Variants in ARID1B observed in about 807,000 individuals in gnomAD.
ARID1B encodes the protein AT-rich interaction domain 1B, also known as AT-rich interactive domain-containing protein 1B.
ARID1B carries 30 observed loss-of-function variants against 212.3 expected under a neutral mutation model. That is an observed-to-expected ratio of 0.14 (90% CI 0.11 to 0.19). The LOEUF is 0.19. ARID1B is among the 10% of genes least tolerant of loss of function. ARID1B has a pLI of 1.00. For synonymous variants in ARID1B, 1,402 were observed against 1,301.7 expected, an observed-to-expected ratio of 1.08 and a Z score of -1.66; for missense variants, 2,891 against 3,204.0, an observed-to-expected ratio of 0.90 and a Z score of 2.36.
intron 4 of ARID1B, among the ~76,000 whole-genome samples, chr6:157,030,571 A>G (rs1209917055): frequency 6.6e-6 from 1 of 152,200 alleles, no homozygotes; most frequent in Non-Finnish European, 1.5e-5. Flanking sequence ...CTGTGGAGGT[A>G]TCCTCACTGA....
At chr6:157,191,650 G>A (rs1793382743) in intron 15 of ARID1B, among the ~76,000 whole-genome samples, 1 of 152,280 alleles carries the variant, frequency 6.6e-6, no homozygotes, top group East Asian at 1.9e-4. Flanking sequence ...CTGTCCTTCA[G>A]TTCTGCCCGT....
intron 4 of ARID1B, among the ~76,000 whole-genome samples, chr6:156,958,245 C>A (rs1204697445): frequency 6.6e-6 from 1 of 152,150 alleles, no homozygotes; most frequent in Non-Finnish European, 1.5e-5. Flanking sequence ...CTAGGAACAG[C>A]TTTTTCACTT....
At chr6:157,090,381 C>T (rs563708163) in intron 5 of ARID1B, among the ~76,000 whole-genome samples, 22 of 152,126 alleles carry the variant, frequency 1.4e-4, no homozygotes, top group South Asian at 1.2e-3. Context: ...TAGATTTTTC[C>T]GCATTCTTTT....
chr6:157,126,892 G>A (rs377402614), intron 6 of ARID1B, among the ~76,000 whole-genome samples: 4 of 152,262 alleles, frequency 2.6e-5, no homozygotes, highest in South Asian at 2.1e-4. Flanking sequence ...ACGCAGCTGC[G>A]TTCCCTCAGC....
At chr6:157,102,773 A>G (rs999208021) in intron 5 of ARID1B, among the ~76,000 whole-genome samples, 1 of 151,456 alleles carries the variant, frequency 6.6e-6, no homozygotes, top group Non-Finnish European at 1.5e-5. Flanking sequence ...ATTTTTATGT[A>G]CTTTTAGTAG....
At chr6:156,794,335 G>A (rs1411159282) in intron 1 of ARID1B, among the ~76,000 whole-genome samples, 3 of 151,490 alleles carry the variant, frequency 2.0e-5, no homozygotes, top group Non-Finnish European at 4.4e-5. Context: ...CTGCAACCTT[G>A]AATTCCTGGG....
chr6:156,808,276 G>A (rs1447679729), intron 1 of ARID1B, among the ~76,000 whole-genome samples: 1 of 152,206 alleles, frequency 6.6e-6, no homozygotes, highest in Non-Finnish European at 1.5e-5. Context: ...AGGGAAAACA[G>A]AAAGGAGAAC....
chr6:157,161,433 A>C (rs201403922), intron 8 of ARID1B, among the ~76,000 whole-genome samples: 58 of 113,688 alleles, frequency 5.1e-4, no homozygotes, highest in Non-Finnish European at 1.7e-4. Context: ...GTGTGTGTGT[A>C]TATATATATA....
chr6:156,853,393 A>G (rs1263642174), intron 2 of ARID1B, among the ~76,000 whole-genome samples: 1 of 152,194 alleles, frequency 6.6e-6, no homozygotes, highest in Non-Finnish European at 1.5e-5. Context: ...TGGTAGACCC[A>G]GTCCTCTAGG....
intron 2 of ARID1B, among the ~76,000 whole-genome samples, chr6:156,830,711 T>G (rs895768605): frequency 6.6e-6 from 1 of 152,024 alleles, no homozygotes; most frequent in African/African-American, 2.4e-5. Context: ...GAGGATCGCT[T>G]GAGCCCAGGA....
At chr6:156,932,116 C>G (rs79651459) in intron 3 of ARID1B, among the ~76,000 whole-genome samples, 12 of 118,892 alleles carry the variant, frequency 1.0e-4, no homozygotes, top group African/African-American at 3.6e-4. Flanking sequence ...AGCCACAGAT[C>G]GAGACCTTGT....
At chr6:157,057,892 GGTTTTCT>G (rs1423207437) in intron 4 of ARID1B, among the ~76,000 whole-genome samples, 1 of 152,052 alleles carries the variant, frequency 6.6e-6, no homozygotes, top group Non-Finnish European at 1.5e-5. Flanking sequence ...TACATTGAGT[GGTTTTCT>G]GATATTCCAG....
chr6:157,190,925 T>C lies in ARID1B; in HGVS notation c.4231+715T>C, dbSNP rs550617933. Among the ~76,000 whole-genome samples the C allele has an allele frequency of 1.2e-4, 18 of 150,952 alleles. No individual in the cohort carries two copies. The South Asian group carries it at 3.8e-3, about 32-fold the overall frequency. On this transcript the variant is annotated intron_variant, in intron 15 of 19. Coordinates refer to ENST00000636930, the MANE Select transcript of ARID1B (RefSeq NM_001374828.1). The surrounding 1 kb of genome is among the most constrained non-coding windows in gnomAD (Gnocchi z 4.6). Reference sequence around the variant, plus strand: ...CCTGTCATGGGGGTGGTGGTGGGAATGAGCTTGGTGTATGAGGAGGTGGTG... The same window carrying C: ...CCTGTCATGGGGGTGGTGGTGGGAACGAGCTTGGTGTATGAGGAGGTGGTG...
intron 6 of ARID1B, among the ~76,000 whole-genome samples, chr6:157,116,435 A>G (rs1787324835): frequency 6.6e-6 from 1 of 150,506 alleles, no homozygotes; most frequent in African/African-American, 2.5e-5. Context: ...GGTCTGAACT[A>G]GATCTGGATT....
chr6:156,931,190 CAA>C (rs11309121), intron 3 of ARID1B, among the ~76,000 whole-genome samples: 3,678 of 90,088 alleles, frequency 0.041, 43 homozygotes, highest in African/African-American at 0.072. Context: ...GACTCAGTCT[CAA>C]AAAAAAAAAA....
intron 5 of ARID1B, among the ~76,000 whole-genome samples, chr6:157,087,442 A>G (rs1785026458): frequency 6.6e-6 from 1 of 152,216 alleles, no homozygotes; most frequent in Non-Finnish European, 1.5e-5. Context: ...CAGTTTCTGC[A>G]TCTGTAAAGA....
At chr6:157,156,331 T>C (rs1245800544) in intron 8 of ARID1B, among the ~76,000 whole-genome samples, 1 of 152,244 alleles carries the variant, frequency 6.6e-6, no homozygotes, top group Non-Finnish European at 1.5e-5. Flanking sequence ...ATGTAAGCCT[T>C]TGCATTATCA....
intron 2 of ARID1B, among the ~76,000 whole-genome samples, chr6:156,880,739 C>CAAAAAAAAAAAAAAAAAAA (rs141153792): frequency 1.1e-5 from 1 of 86,994 alleles, no homozygotes; most frequent in Non-Finnish European, 2.1e-5. Context: ...GACTCTGTCT[C>CAAAAAAAAAAAAAAAAAAA]AAAAAAAAAA....
intron 3 of ARID1B, among the ~76,000 whole-genome samples, chr6:156,914,463 A>G (rs1313371245): frequency 6.6e-6 from 1 of 151,812 alleles, no homozygotes; most frequent in Non-Finnish European, 1.5e-5. Context: ...CTCTCTTCCT[A>G]CTTTGTGGCC....
Sources: gnomAD v4.1 joint callset for allele counts (sites outside exome capture counted in the v4.1 genomes callset) on GRCh38, gnomAD v4.1.1 for gene constraint, Gnocchi (gnomAD v3.1) non-coding constraint, MANE v1.5 for transcripts, NCBI Gene and HGNC (gene_info 2026-07-23, HGNC 2026-07-21) for gene names.